SHC4: variants seen among roughly 807,000 people sequenced by gnomAD.
SHC4 encodes the protein SHC-transforming protein 4.
In SHC4, 41 loss-of-function variants were observed where a neutral mutation model predicts 69.4. The ratio of observed to expected loss-of-function variants is 0.59; its 90% CI spans 0.46 to 0.77. The LOEUF (loss-of-function observed/expected upper bound fraction) is 0.77, where lower values mean the gene tolerates loss of function less well. Among genes scored for constraint, SHC4 ranks in the 30% least tolerant of loss-of-function variants. The pLI, the probability that SHC4 is intolerant of heterozygous loss-of-function variation, is 0.00. For missense variants in SHC4, 777 were observed against 783.8 expected (o/e 0.99, Z 0.10); for synonymous variants, 318 against 299.3 (o/e 1.06, Z -0.64).
intron 5 of SHC4, among the ~76,000 whole-genome samples, chr15:48,871,605 A>G (rs1899679347): frequency 6.6e-6 from 1 of 152,212 alleles, no homozygotes; most frequent in Admixed American, 6.5e-5. Flanking sequence ...CTCTCTCCCC[A>G]GCTCAGCATT....
At chr15:48,941,600 G>T (rs978377460) in intron 1 of SHC4, among the ~76,000 whole-genome samples, 3 of 152,140 alleles carry the variant, frequency 2.0e-5, no homozygotes, top group African/African-American at 7.2e-5. Flanking sequence ...GGAGGCAGGA[G>T]TGAAGACTAC....
At chr15:48,932,336 C>T (rs1900981154) in intron 1 of SHC4, among the ~76,000 whole-genome samples, 3 of 152,150 alleles carry the variant, frequency 2.0e-5, no homozygotes, top group Admixed American at 6.6e-5. Context: ...TTCAGTAAGA[C>T]TGTGAAACTG....
chr15:48,884,252 T>A lies in SHC4; in HGVS notation c.836A>T (p.Gln279Leu), dbSNP rs1230347253. Reference protein sequence around the residue: ...CSLTLMNLDNQQIIANHHMQS... With the variant: ...CSLTLMNLDNLQIIANHHMQS... ...AAATGACATTTGTGATCTTACCTGT[T>A]GGTTGTCAAGATTCATCAATGTGAG... The change falls in exon 4 of 12, where the codon CAA (glutamine) becomes CTA (leucine). Residue 279 changes from glutamine (Q) to leucine (L), a missense_variant. By Grantham distance (113) the Gln-to-Leu change is moderately radical (BLOSUM62 -2). Transcript: ENST00000332408. The A allele has an allele frequency of 3.1e-6, 5 of 1,596,512 alleles. No homozygotes were observed. Among genetic ancestry groups the A allele is most frequent in the African/African-American group, 1.4e-5 (1 of 73,824 alleles).
At chr15:48,948,805 C>T (rs1401878090) in intron 1 of SHC4, among the ~76,000 whole-genome samples, 2 of 152,084 alleles carry the variant, frequency 1.3e-5, no homozygotes, top group Non-Finnish European at 2.9e-5. Context: ...ACTTGGGAGG[C>T]TTAGGTGGGA....
chr15:48,903,781 C>G (rs1164535257), intron 2 of SHC4, among the ~76,000 whole-genome samples: 1 of 152,114 alleles, frequency 6.6e-6, no homozygotes, highest in Non-Finnish European at 1.5e-5. Flanking sequence ...GAGACAAGGG[C>G]TCACTATGTT....
intron 1 of SHC4, among the ~76,000 whole-genome samples, chr15:48,957,715 A>G (rs752110651): frequency 4.1e-4 from 62 of 152,372 alleles, no homozygotes; most frequent in Middle Eastern, 3.4e-3. Context: ...AGATATGCCC[A>G]AGTCTTAACC....
chr15:48,834,641 G>C, intron 11 of SHC4, 128 bp downstream of exon 11: 2 of 1,356,848 alleles, frequency 1.5e-6, no homozygotes, highest in Non-Finnish European at 1.0e-6. Flanking sequence ...TCCTGCTCCA[G>C]CTGGAAGGTT....
At chr15:48,907,975 C>T (rs779708602) in intron 2 of SHC4, among the ~76,000 whole-genome samples, 2 of 151,900 alleles carry the variant, frequency 1.3e-5, no homozygotes, top group African/African-American at 4.8e-5. Flanking sequence ...GTATCTTTTT[C>T]GAATAATGAC....
At chr15:48,856,234 T>G (rs976101046) in intron 7 of SHC4, 110 bp from the exon 8 acceptor site, 2 of 1,053,304 alleles carry the variant, frequency 1.9e-6, no homozygotes, top group Non-Finnish European at 2.8e-6. Flanking sequence ...TGCATTCATG[T>G]TTTCAGTTTA....
intron 6 of SHC4, among the ~76,000 whole-genome samples, chr15:48,860,549 A>G (rs940585135): frequency 6.6e-6 from 1 of 152,106 alleles, no homozygotes; most frequent in Non-Finnish European, 1.5e-5. Context: ...AAATGAAGTC[A>G]AAATAGAAAG....
intron 11 of SHC4, among the ~76,000 whole-genome samples, chr15:48,828,194 G>A (rs2140962443): frequency 6.6e-6 from 1 of 151,916 alleles, no homozygotes. Context: ...TAAGTGTACA[G>A]TACAGTATTG....
intron 10 of SHC4, among the ~76,000 whole-genome samples, chr15:48,842,282 T>C (rs1361949425): frequency 6.6e-6 from 1 of 152,334 alleles, no homozygotes; most frequent in Middle Eastern, 3.4e-3. Context: ...AGATGACTTA[T>C]TAAGGGGTTT....
intron 2 of SHC4, among the ~76,000 whole-genome samples, chr15:48,903,325 T>C (rs907370735): frequency 3.9e-5 from 6 of 152,210 alleles, no homozygotes; most frequent in Non-Finnish European, 5.9e-5. Context: ...ATGAAAAGAC[T>C]ATCTCTGGAT....
chr15:48,861,219 C>T (rs962138006), intron 6 of SHC4, among the ~76,000 whole-genome samples: 5 of 152,190 alleles, frequency 3.3e-5, no homozygotes, highest in Non-Finnish European at 5.9e-5. Flanking sequence ...CTGCTTCAGC[C>T]TCCCAAGTAG....
At chr15:48,941,761 T>G (rs1027815870) in intron 1 of SHC4, among the ~76,000 whole-genome samples, 1 of 152,204 alleles carries the variant, frequency 6.6e-6, no homozygotes, top group African/African-American at 2.4e-5. Flanking sequence ...CTTTTGGTGT[T>G]AATTTAAGGG....
intron 11 of SHC4, among the ~76,000 whole-genome samples, chr15:48,829,148 T>G (rs973214120): frequency 1.3e-5 from 2 of 152,216 alleles, no homozygotes; most frequent in African/African-American, 4.8e-5. Flanking sequence ...ACTTGTCTTG[T>G]TATCTAACAT....
At chr15:48,960,560 C>A (rs1901530199) in intron 1 of SHC4, among the ~76,000 whole-genome samples, 1 of 152,214 alleles carries the variant, frequency 6.6e-6, no homozygotes, top group Non-Finnish European at 1.5e-5. Context: ...TTTGCCAGGA[C>A]TGCCCAAGCC....
chr15:48,843,422 T>A lies in SHC4; in HGVS notation c.1470A>T (p.Pro490=). The A allele has an allele frequency of 6.2e-7, 1 of 1,612,644 alleles. No individual in the cohort carries two copies. Among genetic ancestry groups the A allele is most frequent in the Non-Finnish European group, 8.5e-7 (1 of 1,178,962 alleles). The part of the protein sequence containing the change: ...NQRSAQPLGS[P]WHCGKAPETV... The stretch of plus-strand genomic sequence containing the variant: ...GTAGCTACTTACTTCCGCAGTGCCA[T>A]GGGCTCCCCAGTGGTTGGGCTGACC... The change falls in exon 10 of 12, where the codon CCA becomes CCT. Residue 490 remains proline (P), a synonymous_variant. Coordinates refer to ENST00000332408, the MANE Select transcript of SHC4 (RefSeq NM_203349.4).
intron 3 of SHC4, among the ~76,000 whole-genome samples, chr15:48,886,441 G>A (rs1007787365): frequency 2.6e-5 from 4 of 152,116 alleles, no homozygotes; most frequent in African/African-American, 9.7e-5. Flanking sequence ...AGTCTTTCAT[G>A]CCATCATTAG....
Sources: allele counts gnomAD v4.1 joint callset (sites outside exome capture counted in the v4.1 genomes callset), GRCh38; gene constraint gnomAD v4.1.1; transcripts MANE v1.5; gene names NCBI Gene and HGNC (gene_info 2026-07-23, HGNC 2026-07-21).